SLC22A15: variants seen among roughly 807,000 people sequenced by gnomAD.
SLC22A15 encodes flipt 1.
In SLC22A15, 45 loss-of-function variants were observed where a neutral mutation model predicts 62.7. The ratio of observed to expected loss-of-function variants is 0.72; its 90% CI spans 0.56 to 0.92. SLC22A15 has a LOEUF of 0.92. SLC22A15 is among the 40% of genes least tolerant of loss of function. The probability of loss-of-function intolerance (pLI) is 0.00; values close to 1 mark genes in which losing one functional copy is unlikely to be tolerated. For synonymous variants in SLC22A15, 264 were observed against 267.0 expected (o/e 0.99, Z 0.11); for missense variants, 622 against 665.6 (o/e 0.93, Z 0.72).
chr1:115,996,992 T>C (rs973224580), intron 2 of SLC22A15, among the ~76,000 whole-genome samples: 3 of 152,102 alleles, frequency 2.0e-5, no homozygotes, highest in African/African-American at 7.2e-5. Context: ...CTGGCTAGCA[T>C]GTCTAGCACT....
chr1:116,017,411 A>G (rs1656597324), intron 2 of SLC22A15: 1 of 152,142 alleles, frequency 6.6e-6, no homozygotes, highest in African/African-American at 2.4e-5. Flanking sequence ...AAAGAAAGAA[A>G]TAGTAAATCC....
intron 8 of SLC22A15, among the ~76,000 whole-genome samples, chr1:116,038,359 G>A (rs1361771974): frequency 6.6e-6 from 1 of 152,148 alleles, no homozygotes. Flanking sequence ...TGCTTCTTGT[G>A]GTTCATTTCT....
chr1:116,031,697 TTG>T (rs1479976348), intron 6 of SLC22A15, 116 bp downstream of exon 6: 1 of 1,492,508 alleles, frequency 6.7e-7, no homozygotes, highest in Non-Finnish European at 8.9e-7. Flanking sequence ...TAGCTTGAGG[TTG>T]TTTTCTCAAC....
chr1:115,998,059 C>T (rs1331493086), intron 2 of SLC22A15, among the ~76,000 whole-genome samples: 1 of 152,008 alleles, frequency 6.6e-6, no homozygotes, highest in South Asian at 2.1e-4. Flanking sequence ...GGTTTTTGTT[C>T]TTCATTCTGT....
At position 116,067,346 on chromosome 1, in the gene SLC22A15, T is replaced by C. The variant is rs1658524082; in HGVS notation, c.*238T>C. 4.3e-6 allele frequency: 2 copies of C among 464,236 alleles called. No individual in the cohort carries two copies. Among genetic ancestry groups the C allele is most frequent in the South Asian group, 7.1e-5 (2 of 28,288 alleles). 28.8% of individuals were successfully genotyped at this position (464,236 alleles called of 1,614,324 possible). A position where few individuals can be genotyped will look rare whatever the true frequency, so the allele number is the denominator to read the frequency against. ...AATTTGTTTAGAATTTAAGTTCTAC[T>C]CAGAATCATAACATCTGGCAGAACA... On this transcript the variant is annotated 3_prime_UTR_variant, in exon 12 of 12. Coordinates refer to ENST00000369503, the MANE Select transcript of SLC22A15 (RefSeq NM_018420.3).
rs1281745 is a variant in SLC22A15, at chr1:116,066,282, G to T, written c.1366-238G>T. Among the ~76,000 whole-genome samples the T allele has an allele frequency of 3.9e-5, 6 of 152,140 alleles. No individual in the cohort carries two copies. In the South Asian group the frequency reaches 1.2e-3, roughly 32 times the overall value. ...CGGACATGAAATTGCTGCTTCTAAT[G>T]TACAGACTAGTGCTGTCCTTTTATT... On this transcript the variant is annotated intron_variant, in intron 10 of 11. Transcript: ENST00000369503.
chr1:116,008,258 G>A (rs535102674), intron 2 of SLC22A15, among the ~76,000 whole-genome samples: 1 of 152,180 alleles, frequency 6.6e-6, no homozygotes, highest in African/African-American at 2.4e-5. Flanking sequence ...TGTAGGAAGC[G>A]CTCTTTTCAA....
At chr1:116,033,655 A>C (rs1259284859) in intron 6 of SLC22A15, among the ~76,000 whole-genome samples, 3 of 152,084 alleles carry the variant, frequency 2.0e-5, no homozygotes, top group Middle Eastern at 3.4e-3. Flanking sequence ...CAACTGGGAA[A>C]CAGCATTATG....
intron 2 of SLC22A15, among the ~76,000 whole-genome samples, chr1:116,010,879 C>T (rs928541533): frequency 9.2e-5 from 14 of 152,188 alleles, no homozygotes; most frequent in African/African-American, 2.9e-4. Flanking sequence ...TGGTTTTCAT[C>T]AAAGCATGAC....
chr1:116,031,540 C>T lies in SLC22A15; in HGVS notation c.903C>T (p.Tyr301=). Residue 301 remains tyrosine, a synonymous_variant, in exon 6 of 12, where the codon TAC becomes TAT. Transcript: ENST00000369503. The part of the protein sequence containing the change: ...ETGSFLDLFR[Y]RVLLGHTLIL... ...GAAGTTTCCTGGATCTCTTTCGTTA[C>T]CGGGTCCTGTTAGGACACACTTTGA... 3 of 1,613,942 alleles carry T rather than the reference C, an allele frequency of 1.9e-6. No individual in the cohort carries two copies. Among genetic ancestry groups the T allele is most frequent in the Non-Finnish European group, 2.5e-6 (3 of 1,179,860 alleles).
intron 8 of SLC22A15, among the ~76,000 whole-genome samples, chr1:116,042,099 CAA>C (rs56109495): frequency 3.2e-4 from 46 of 145,216 alleles, no homozygotes; most frequent in Admixed American, 7.5e-4. Flanking sequence ...ATAACATTAA[CAA>C]AAAAAAAAAA....
chr1:115,981,582 C>T (rs758861764), intron 1 of SLC22A15, among the ~76,000 whole-genome samples: 19 of 152,202 alleles, frequency 1.2e-4, no homozygotes, highest in Non-Finnish European at 2.6e-4. Context: ...TAGACAGACA[C>T]TGCCCCCTAG....
chr1:116,057,037 A>G (rs1658228478), intron 8 of SLC22A15, among the ~76,000 whole-genome samples: 3 of 152,010 alleles, frequency 2.0e-5, no homozygotes, highest in South Asian at 4.1e-4. Context: ...AATGGCAACA[A>G]AAGCCAAAAT....
At chr1:116,057,547 C>T (rs978269479) in intron 8 of SLC22A15, among the ~76,000 whole-genome samples, 1 of 152,124 alleles carries the variant, frequency 6.6e-6, no homozygotes, top group Non-Finnish European at 1.5e-5. Context: ...TCCAGCCATC[C>T]CATTACTGGG....
rs764447092 is a variant in SLC22A15 at position 116,019,713 on chromosome 1, A to G, written c.432A>G (p.Thr144=). Residue 144 remains threonine, a splice_region_variant and synonymous_variant, in exon 3 of 12, where the codon ACA becomes ACG. Coordinates refer to ENST00000369503, the MANE Select transcript of SLC22A15 (RefSeq NM_018420.3). Reference sequence around the variant, plus strand: ...TCGGAAGGAAAAAAGTCTATCTCACAGGTAATCTATTAGAGTATTCATAAA... The same window carrying G: ...TCGGAAGGAAAAAAGTCTATCTCACGGGTAATCTATTAGAGTATTCATAAA... ...DRFGRKKVYL[T]GFALDILFAI... 6.2e-7 allele frequency: 1 copy of G among 1,610,902 alleles called. No homozygotes were observed. The highest frequency in any genetic ancestry group is 8.5e-7 in the Non-Finnish European group (1 of 1,179,170).
intron 2 of SLC22A15, among the ~76,000 whole-genome samples, chr1:116,016,212 T>C (rs1349413444): frequency 7.5e-6 from 1 of 132,886 alleles, no homozygotes; most frequent in African/African-American, 2.8e-5. Context: ...TCTTCTCACC[T>C]CTCTTTTGAC....
chr1:116,033,717 G>A lies in SLC22A15; in HGVS notation c.945-1470G>A, dbSNP rs1657526662. On this transcript the variant is annotated intron_variant, in intron 6 of 11. Transcript: ENST00000369503. ...GATTTTAAAAACGTTTTAGAAAACT[G>A]CATGGATTTAAATTTATTTTGCCTT... Among the ~76,000 whole-genome samples, 3 of 152,096 alleles carry A rather than the reference G, an allele frequency of 2.0e-5. No individual in the cohort carries two copies. In the South Asian group the frequency reaches 6.2e-4, roughly 32 times the overall value.
At chr1:116,013,367 C>T (rs780807404) in intron 2 of SLC22A15, among the ~76,000 whole-genome samples, 13 of 152,234 alleles carry the variant, frequency 8.5e-5, no homozygotes, top group African/African-American at 1.9e-4. Flanking sequence ...TTCTAGTATT[C>T]CCTCTAGTAC....
chr1:115,993,260 C>A (rs1445707387), intron 2 of SLC22A15, among the ~76,000 whole-genome samples: 1 of 152,166 alleles, frequency 6.6e-6, no homozygotes. Flanking sequence ...ACCCTGGCCC[C>A]ATCCTTGGAC....
Sources: gnomAD v4.1 joint callset for allele counts (sites outside exome capture counted in the v4.1 genomes callset) on GRCh38, gnomAD v4.1.1 for gene constraint, MANE v1.5 for transcripts, NCBI Gene and HGNC (gene_info 2026-07-23, HGNC 2026-07-21) for gene names.